Variants in SHB observed in about 807,000 individuals in gnomAD.
The protein encoded by SHB is SH2 domain-containing adapter protein B.
A neutral mutation model predicts 52.3 loss-of-function variants in SHB; 20 were observed. The ratio of observed to expected loss-of-function variants is 0.38; its 90% confidence interval spans 0.27 to 0.56. The LOEUF is 0.56. SHB is among the 20% of genes least tolerant of loss of function. The pLI is 0.71. For missense variants in SHB, 825 were observed against 723.3 expected, an observed-to-expected ratio of 1.14 and a Z score of -1.61; for synonymous variants, 397 against 316.5, an observed-to-expected ratio of 1.25 and a Z score of -2.70.
At chr9:37,925,277 G>A (rs1832234946) in intron 5 of SHB, among the ~76,000 whole-genome samples, 1 of 152,240 alleles carries the variant, frequency 6.6e-6, no homozygotes, top group Non-Finnish European at 1.5e-5. Flanking sequence ...CCAGCAAAGG[G>A]AGAAGCTGCC....
At chr9:38,067,772 C>T (rs1033092358) in intron 1 of SHB, among the ~76,000 whole-genome samples, 157 bp downstream of exon 1, 2 of 152,260 alleles carry the variant, frequency 1.3e-5, no homozygotes, top group East Asian at 1.9e-4. Context: ...GAAAAGGGCG[C>T]GGGAGGAGGC....
chr9:38,017,034 G>A lies in SHB; in HGVS notation c.718-903C>T, dbSNP rs567137505. ...AGACCACCGTTCCACGTTTTCCCTG[G>A]AGAAGAGTAAAAATTCTCGATTGCA... On this transcript the variant is annotated intron_variant, in intron 1 of 5. Coordinates refer to ENST00000377707, the MANE Select transcript of SHB (RefSeq NM_003028.3). Among the ~76,000 whole-genome samples, 3 of 152,328 alleles carry A rather than the reference G, an allele frequency of 2.0e-5. No individual in the cohort carries two copies. In the East Asian group the frequency reaches 5.8e-4, roughly 29 times the overall value.
intron 3 of SHB, among the ~76,000 whole-genome samples, chr9:37,971,419 G>A (rs1820589109): frequency 6.6e-6 from 1 of 152,188 alleles, no homozygotes; most frequent in Non-Finnish European, 1.5e-5. Context: ...TCCAGCGACA[G>A]TAACAGTGAG....
At chr9:37,962,802 T>C (rs7033326) in intron 3 of SHB, among the ~76,000 whole-genome samples, 88,169 of 151,476 alleles carry the variant, frequency 0.58, 25,854 homozygotes, top group East Asian at 0.82. Context: ...AAGGAGCCAC[T>C]ATGCCTGGCC....
chr9:37,984,432 G>A (rs1296241322), intron 2 of SHB, among the ~76,000 whole-genome samples: 2 of 152,202 alleles, frequency 1.3e-5, no homozygotes, highest in African/African-American at 2.4e-5. Context: ...AAACACACAG[G>A]GAAGGTCTCA....
intron 2 of SHB, among the ~76,000 whole-genome samples, chr9:38,013,250 G>C (rs1432520399): frequency 6.6e-6 from 1 of 152,206 alleles, no homozygotes; most frequent in Non-Finnish European, 1.5e-5. Context: ...GTCTTTAAGA[G>C]GTTCTAAATC....
intron 1 of SHB, among the ~76,000 whole-genome samples, chr9:38,020,296 C>A (rs1043727687): frequency 1.3e-5 from 2 of 152,192 alleles, no homozygotes; most frequent in Non-Finnish European, 2.9e-5. Context: ...ACAGGAATGG[C>A]TTGGAACGCT....
intron 1 of SHB, among the ~76,000 whole-genome samples, chr9:38,051,315 T>A (rs575717774): frequency 7.1e-6 from 1 of 141,610 alleles, no homozygotes; most frequent in Non-Finnish European, 1.6e-5. Context: ...TGGTGGCGCA[T>A]GCCTGTAATC....
chr9:38,029,025 C>T (rs1239239777), intron 1 of SHB, among the ~76,000 whole-genome samples: 1 of 152,152 alleles, frequency 6.6e-6, no homozygotes, highest in Non-Finnish European at 1.5e-5. Flanking sequence ...GGGAACCCTC[C>T]TTGCTCCTGG....
intron 5 of SHB, among the ~76,000 whole-genome samples, chr9:37,920,518 A>G (rs896403883): frequency 6.6e-6 from 1 of 152,198 alleles, no homozygotes; most frequent in Non-Finnish European, 1.5e-5. Context: ...TTTCAGTAGT[A>G]GGAAACTGTC....
At chr9:37,974,580 C>T in intron 3 of SHB, 42 bp downstream of exon 3, 3 of 1,520,268 alleles carry the variant, frequency 2.0e-6, no homozygotes, top group Non-Finnish European at 2.7e-6. Context: ...GTGCTGAGCG[C>T]AGCTCAGCAG....
chr9:37,976,038 TTTTA>T (rs995022945), intron 2 of SHB, among the ~76,000 whole-genome samples: 27 of 151,338 alleles, frequency 1.8e-4, no homozygotes, highest in Admixed American at 1.6e-3. Context: ...CACTTTTTTA[TTTTA>T]TTTTATTTTT....
rs771753138 is a variant in SHB, at chr9:37,948,769, G to A, written c.1227-15C>T. On this transcript the variant is annotated splice_polypyrimidine_tract_variant and intron_variant, in intron 4 of 5. Transcript: ENST00000377707. ...CGTGATACCATCTGTGGAGAGGGCA[G>A]AGAGTGGTCAGAGCCCAGCGCGATG... 53 of 1,613,508 alleles carry A rather than the reference G, an allele frequency of 3.3e-5. 1 individual carries two copies. The South Asian group carries it at 5.5e-4, about 17-fold the overall frequency.
chr9:38,042,606 A>G lies in SHB; in HGVS notation c.717+25323T>C, dbSNP rs559185740. On this transcript the variant is annotated intron_variant, in intron 1 of 5. Transcript: ENST00000377707. ...CAGCTGGGTGTTTAAGAGGGGATCT[A>G]CCTCCAAGGGAGTGACATTTCCACC... Among the ~76,000 whole-genome samples, 6 of 152,232 alleles carry G rather than the reference A, an allele frequency of 3.9e-5. No homozygotes were observed. In the South Asian group the frequency reaches 8.3e-4, roughly 21 times the overall value.
intron 5 of SHB, among the ~76,000 whole-genome samples, chr9:37,937,890 T>C (rs975316046): frequency 6.6e-6 from 1 of 152,160 alleles, no homozygotes; most frequent in Non-Finnish European, 1.5e-5. Flanking sequence ...CTTGCCTTCC[T>C]GTGCCTCAGT....
intron 2 of SHB, among the ~76,000 whole-genome samples, chr9:38,009,247 C>G (rs2118060924): frequency 6.6e-6 from 1 of 152,316 alleles, no homozygotes; most frequent in African/African-American, 2.4e-5. Context: ...AGAGCAGAGA[C>G]AGCAGCATGC....
chr9:38,060,056 A>G (rs112593767), intron 1 of SHB, among the ~76,000 whole-genome samples: 1,632 of 152,324 alleles, frequency 0.011, 24 homozygotes, highest in African/African-American at 0.035. Flanking sequence ...AGAGATGATA[A>G]AGCAAATTCA....
At position 37,919,661 on chromosome 9, in the gene SHB, G is replaced by GT. The variant is rs1465280303; in HGVS notation, c.*159dup. Reference sequence around the variant, plus strand: ...TTTATCCAGGCCTTCTCCAGCCCCCGTAAGTGGCAACAGCATTCTAGAGAC... The same window carrying GT: ...TTTATCCAGGCCTTCTCCAGCCCCCGTTAAGTGGCAACAGCATTCTAGAGAC... On this transcript the variant is annotated 3_prime_UTR_variant, in exon 6 of 6. Transcript: ENST00000377707. 5 of 571,184 alleles carry GT rather than the reference G, an allele frequency of 8.8e-6. No individual in the cohort carries two copies. Among genetic ancestry groups the GT allele is most frequent in the Non-Finnish European group, 1.5e-5 (5 of 322,644 alleles). The allele number at this position is 571,184 out of a possible 1,614,324, so 35.4% of individuals were successfully genotyped here.
intron 2 of SHB, among the ~76,000 whole-genome samples, chr9:37,992,382 CAA>C (rs1564096440): frequency 6.6e-6 from 1 of 152,104 alleles, no homozygotes; most frequent in South Asian, 2.1e-4. Context: ...CCCTGGGCAA[CAA>C]GAGCGAAATT....
Sources: allele counts gnomAD v4.1 joint callset (sites outside exome capture counted in the v4.1 genomes callset), GRCh38; gene constraint gnomAD v4.1.1; transcripts MANE v1.5; gene names NCBI Gene and HGNC (gene_info 2026-07-23, HGNC 2026-07-21).